ELFN1: variants seen among roughly 807,000 people sequenced by gnomAD.
ELFN1 encodes the protein extracellular leucine rich repeat and fibronectin type III domain containing 1.
In ELFN1, 6 loss-of-function variants were observed where a neutral mutation model predicts 7.6. That is an observed-to-expected ratio of 0.79 (90% CI 0.43 to 1.56). The LOEUF (loss-of-function observed/expected upper bound fraction) is 1.56. Ranked by LOEUF, ELFN1 falls within the 40% of genes most tolerant of loss-of-function variation. The probability of loss-of-function intolerance (pLI) is 0.01; values close to 1 mark genes in which losing one functional copy is unlikely to be tolerated. For synonymous variants in ELFN1, 657 were observed against 588.1 expected (o/e 1.12, Z -1.70); for missense variants, 1,169 against 1,232.2 (o/e 0.95, Z 0.77).
chr7:1,743,315 G>A (rs1255741495), intron 3 of ELFN1, among the ~76,000 whole-genome samples: 2 of 152,188 alleles, frequency 1.3e-5, no homozygotes, highest in South Asian at 2.1e-4. Flanking sequence ...AGAGGACCCC[G>A]TATGGTGGTG....
chr7:1,700,380 C>T (rs969671629), intron 2 of ELFN1, among the ~76,000 whole-genome samples: 2 of 152,228 alleles, frequency 1.3e-5, no homozygotes, highest in South Asian at 2.1e-4. Flanking sequence ...CATTCCTGAT[C>T]GTAGCAACCA....
In ELFN1 at chr7:1,699,790, G is replaced by A. The variant is rs538103748; in HGVS notation, c.-455-9301G>A. Among the ~76,000 whole-genome samples the A allele has an allele frequency of 9.2e-5, 14 of 152,156 alleles. No individual in the cohort carries two copies. In the East Asian group the frequency reaches 1.9e-3, roughly 21 times the overall value. On this transcript the variant is annotated intron_variant, in intron 2 of 3. Transcript: ENST00000424383. ...ATGATCTCTGCTCACTGCAACCTCC[G>A]CCTCCCAGGTTCAAGCGATTCTCCT...
At chr7:1,730,170 G>C (rs896723184) in intron 3 of ELFN1, among the ~76,000 whole-genome samples, 1 of 152,270 alleles carries the variant, frequency 6.6e-6, no homozygotes, top group Non-Finnish European at 1.5e-5. Flanking sequence ...AAGCACAGAA[G>C]ACAAATGAGG....
At chr7:1,730,840 G>A (rs1217671783) in intron 3 of ELFN1, among the ~76,000 whole-genome samples, 5 of 152,110 alleles carry the variant, frequency 3.3e-5, no homozygotes, top group Non-Finnish European at 7.4e-5. Flanking sequence ...AGAATTAAAT[G>A]GGATGTCTAC....
At chr7:1,730,682 G>A (rs140010668) in intron 3 of ELFN1, among the ~76,000 whole-genome samples, 60 of 152,262 alleles carry the variant, frequency 3.9e-4, no homozygotes, top group East Asian at 2.9e-3. Flanking sequence ...CGTCTTTATC[G>A]AAGTCAAGAA....
rs1430400401 is a variant in ELFN1 at position 1,673,786 on chromosome 7, G to T, written c.-549+3432G>T. On this transcript the variant is annotated intron_variant, in intron 1 of 3. Coordinates refer to ENST00000424383, the MANE Select transcript of ELFN1 (RefSeq NM_001128636.4). This position sits in a 1 kb window ranked among gnomAD's most constrained non-coding sequence, Gnocchi z 4.7. ...CCAGCCCCTGAAGATGGTCCAGCCG[G>T]TCCATTTTCCAGAAGGGTCCAGCAT... Among the ~76,000 whole-genome samples, 1 of 152,206 alleles carries T rather than the reference G, an allele frequency of 6.6e-6. No homozygotes were observed. Among genetic ancestry groups the T allele is most frequent in the African/African-American group, 2.4e-5 (1 of 41,456 alleles).
At chr7:1,714,026 C>T (rs900820535) in intron 3 of ELFN1, among the ~76,000 whole-genome samples, 5 of 152,318 alleles carry the variant, frequency 3.3e-5, no homozygotes, top group Admixed American at 1.3e-4. Flanking sequence ...AAGGTCACGC[C>T]GGCTCCCCGA....
intron 2 of ELFN1, chr7:1,693,013 T>G (rs1349517198): frequency 7.4e-6 from 2 of 270,680 alleles, no homozygotes; most frequent in East Asian, 8.1e-5. Flanking sequence ...TCAGCCTCAG[T>G]TTTGTTGTCT....
intron 2 of ELFN1, among the ~76,000 whole-genome samples, chr7:1,708,669 T>C (rs949337966): frequency 1.3e-5 from 2 of 152,134 alleles, no homozygotes; most frequent in Non-Finnish European, 1.5e-5. Flanking sequence ...TTGGATGCGA[T>C]GTGCCTGGAA....
rs1028835760 is a variant in ELFN1 at position 1,705,719 on chromosome 7, G to A, written c.-455-3372G>A. Among the ~76,000 whole-genome samples the A allele has an allele frequency of 6.6e-6, 1 of 152,226 alleles. No individual in the cohort carries two copies. Among genetic ancestry groups the A allele is most frequent in the Non-Finnish European group, 1.5e-5 (1 of 68,048 alleles). ...AATTCAGTGGATGGCTTTGGGCCTCGGTTTCCTGTCCACAACATCCTGCAC... is the reference window on the plus strand; with the variant it reads ...AATTCAGTGGATGGCTTTGGGCCTCAGTTTCCTGTCCACAACATCCTGCAC... On this transcript the variant is annotated intron_variant, in intron 2 of 3. Coordinates refer to ENST00000424383, the MANE Select transcript of ELFN1 (RefSeq NM_001128636.4). This position sits in a 1 kb window ranked among gnomAD's most constrained non-coding sequence, Gnocchi z 4.3.
chr7:1,692,373 C>G (rs926722755), intron 2 of ELFN1: 1 of 152,760 alleles, frequency 6.5e-6, no homozygotes, highest in East Asian at 1.9e-4. Flanking sequence ...CGTCTGGGTC[C>G]ACTCAGGGCT....
intron 3 of ELFN1, among the ~76,000 whole-genome samples, chr7:1,719,487 A>T (rs1484727609): frequency 6.6e-6 from 1 of 152,092 alleles, no homozygotes; most frequent in African/African-American, 2.4e-5. Context: ...CTCTGGACAC[A>T]CCCACCCCTG....
chr7:1,737,452 G>A (rs1181585336), intron 3 of ELFN1, among the ~76,000 whole-genome samples: 6 of 152,304 alleles, frequency 3.9e-5, no homozygotes, highest in South Asian at 2.1e-4. Flanking sequence ...AGCTGGAGTC[G>A]GGGTCTTTTC....
At chr7:1,718,850 A>T (rs908179261) in intron 3 of ELFN1, among the ~76,000 whole-genome samples, 3 of 152,118 alleles carry the variant, frequency 2.0e-5, no homozygotes, top group Non-Finnish European at 2.9e-5. Context: ...CCTCTCTGGC[A>T]TCCTATCCTG....
At chr7:1,689,579 G>A (rs1323940714) in intron 2 of ELFN1, among the ~76,000 whole-genome samples, 1 of 152,178 alleles carries the variant, frequency 6.6e-6, no homozygotes, top group Non-Finnish European at 1.5e-5. Context: ...GTGCACTACA[G>A]ACCCTTGAGA....
chr7:1,747,302 CCACACACA>C lies in ELFN1; in HGVS notation c.*245_*252del, dbSNP rs143376319. The C allele has an allele frequency of 8.4e-4, 228 of 270,274 alleles. No individual in the cohort carries two copies. The highest frequency in any genetic ancestry group is 6.7e-3 in the Middle Eastern group (6 of 902). 16.7% of individuals were successfully genotyped at this position (270,274 alleles called of 1,614,324 possible). On this transcript the variant is annotated 3_prime_UTR_variant, in exon 4 of 4. Transcript: ENST00000424383. ...GCTTGTCGCCCCGGGTGGCACGTGTCCACACACACACACACACACACACACACACACAC... is the reference window on the plus strand; with the variant it reads ...GCTTGTCGCCCCGGGTGGCACGTGTCCACACACACACACACACACACACAC...
chr7:1,702,317 G>C (rs1037043128), intron 2 of ELFN1, among the ~76,000 whole-genome samples: 1 of 152,004 alleles, frequency 6.6e-6, no homozygotes, highest in African/African-American at 2.4e-5. Flanking sequence ...CCAGCTACTT[G>C]GGAGGCTGAG....
chr7:1,725,703 A>G (rs1176532347), intron 3 of ELFN1, among the ~76,000 whole-genome samples: 1 of 152,196 alleles, frequency 6.6e-6, no homozygotes, highest in African/African-American at 2.4e-5. Flanking sequence ...ACATGTGTGC[A>G]CGTCTGTGTG....
At chr7:1,706,859 G>C (rs913628535) in intron 2 of ELFN1, among the ~76,000 whole-genome samples, 1 of 152,256 alleles carries the variant, frequency 6.6e-6, no homozygotes, top group Non-Finnish European at 1.5e-5. Context: ...TTAAAGCTCA[G>C]GCTGTGCCCG....
Sources: gnomAD v4.1 joint callset for allele counts (sites outside exome capture counted in the v4.1 genomes callset) on GRCh38, gnomAD v4.1.1 for gene constraint, Gnocchi (gnomAD v3.1) non-coding constraint, MANE v1.5 for transcripts, NCBI Gene and HGNC (gene_info 2026-07-23, HGNC 2026-07-21) for gene names.